Variants in ZNF532 observed in about 807,000 individuals in gnomAD.
The protein encoded by ZNF532 is zinc finger protein 532.
In ZNF532, 22 loss-of-function variants were observed where a neutral mutation model predicts 89.3. The ratio of observed to expected loss-of-function variants is 0.25; its 90% CI spans 0.18 to 0.35. ZNF532 has a LOEUF of 0.35. Among genes scored for constraint, ZNF532 ranks in the 10% least tolerant of loss-of-function variants. ZNF532 has a pLI of 1.00. For missense variants in ZNF532, 1,132 were observed against 1,643.4 expected, an observed-to-expected ratio of 0.69 and a Z score of 5.38; for synonymous variants, 606 against 649.6, an observed-to-expected ratio of 0.93 and a Z score of 1.02.
chr18:58,972,146 T>G (rs1256211798), intron 7 of ZNF532, among the ~76,000 whole-genome samples: 1 of 152,198 alleles, frequency 6.6e-6, no homozygotes, highest in Non-Finnish European at 1.5e-5. Context: ...GAGGCTATGG[T>G]GAGCTGAGAT....
intron 4 of ZNF532, among the ~76,000 whole-genome samples, chr18:58,937,899 A>G (rs1282226015): frequency 6.6e-6 from 1 of 152,256 alleles, no homozygotes; most frequent in African/African-American, 2.4e-5. Context: ...TACCAGTTCA[A>G]GTAGATAGGC....
intron 2 of ZNF532, among the ~76,000 whole-genome samples, chr18:58,881,043 T>A (rs2057879436): frequency 6.6e-6 from 1 of 152,168 alleles, no homozygotes; most frequent in Non-Finnish European, 1.5e-5. Flanking sequence ...AGTGGTCTAA[T>A]TTCAGGTCAC....
At chr18:58,934,316 A>T in intron 3 of ZNF532, 117 bp from the exon 4 acceptor site, 1 of 949,816 alleles carries the variant, frequency 1.1e-6, no homozygotes, top group Non-Finnish European at 1.6e-6. Context: ...CTTAGAATCA[A>T]TTACTGTAGT....
intron 5 of ZNF532, among the ~76,000 whole-genome samples, chr18:58,942,796 C>T (rs562255713): frequency 6.6e-6 from 1 of 152,230 alleles, no homozygotes; most frequent in African/African-American, 2.4e-5. Flanking sequence ...AGTCCCAGCT[C>T]AGGCAGTGAA....
intron 7 of ZNF532, among the ~76,000 whole-genome samples, chr18:58,969,219 G>C (rs1388320593): frequency 6.6e-6 from 1 of 152,176 alleles, no homozygotes; most frequent in African/African-American, 2.4e-5. Flanking sequence ...TTGTGAGTGA[G>C]AACACAGTCT....
At chr18:58,979,402 T>TTC in intron 8 of ZNF532, 16 of 251,908 alleles carry the variant, frequency 6.4e-5, no homozygotes, top group East Asian at 2.2e-4. Flanking sequence ...GTTTTTTTTT[T>TTC]CCCGAGACGG....
In ZNF532 at chr18:58,918,280, T is replaced by C. The variant is rs750441112; in HGVS notation, c.-8T>C. 3.7e-6 allele frequency: 6 copies of C among 1,608,238 alleles called. No homozygotes were observed. In the South Asian group the frequency reaches 6.6e-5, roughly 18 times the overall value. On this transcript the variant is annotated 5_prime_UTR_variant, in exon 3 of 10. Transcript: ENST00000591808. ...TCTGCTCATTTAACAGAACATCTGC[T>C]CAAATTAATGACCATGGGGGATATG...
At chr18:58,863,692 C>G (rs2056172156), upstream of ZNF532, 1 of 152,538 alleles carries the variant, frequency 6.6e-6, no homozygotes, top group Non-Finnish European at 1.5e-5. Flanking sequence ...CAAAGGTCAT[C>G]CGAGCTGCGG....
At chr18:58,980,720 C>T (rs955357210) in intron 8 of ZNF532, 3 of 152,202 alleles carry the variant, frequency 2.0e-5, no homozygotes, top group African/African-American at 4.8e-5. Flanking sequence ...TCGGCTCACC[C>T]TACCCTCCAC....
At chr18:58,905,302 C>T (rs762393941) in intron 2 of ZNF532, among the ~76,000 whole-genome samples, 15 of 152,076 alleles carry the variant, frequency 9.9e-5, no homozygotes, top group African/African-American at 2.4e-4. Context: ...GGTTGCTTTT[C>T]GCCAATATTC....
intron 2 of ZNF532, among the ~76,000 whole-genome samples, chr18:58,884,453 G>T (rs2058142400): frequency 6.6e-6 from 1 of 151,452 alleles, no homozygotes; most frequent in Non-Finnish European, 1.5e-5. Context: ...GCATTTCAGG[G>T]ACAAAAGCTT....
chr18:58,888,848 T>TAAA, intron 2 of ZNF532, among the ~76,000 whole-genome samples: 1 of 57,972 alleles, frequency 1.7e-5, no homozygotes, highest in Non-Finnish European at 2.7e-5. Flanking sequence ...AATTTATATA[T>TAAA]ATATAATTTA....
At chr18:58,873,774 G>T (rs1252430894) in intron 2 of ZNF532, among the ~76,000 whole-genome samples, 1 of 152,146 alleles carries the variant, frequency 6.6e-6, no homozygotes, top group Non-Finnish European at 1.5e-5. Flanking sequence ...GAGGTAATTT[G>T]AAAACTGATT....
At chr18:58,959,834 CTA>C (rs1388888332) in intron 7 of ZNF532, among the ~76,000 whole-genome samples, 1 of 152,128 alleles carries the variant, frequency 6.6e-6, no homozygotes, top group East Asian at 1.9e-4. Flanking sequence ...TCTCTGAACA[CTA>C]TAGATTTTTT....
chr18:58,907,652 G>T (rs1348713479), intron 2 of ZNF532, among the ~76,000 whole-genome samples: 1 of 152,132 alleles, frequency 6.6e-6, no homozygotes, highest in African/African-American at 2.4e-5. Flanking sequence ...GATCAGGAGG[G>T]TTCAGGAGAG....
At chr18:58,868,999 A>AC (rs2056734230) in intron 2 of ZNF532, among the ~76,000 whole-genome samples, 7 of 152,212 alleles carry the variant, frequency 4.6e-5, no homozygotes, top group African/African-American at 1.7e-4. Flanking sequence ...TGCATACTGT[A>AC]GGCAGTTTTA....
intron 2 of ZNF532, among the ~76,000 whole-genome samples, chr18:58,891,260 T>G (rs2058879945): frequency 6.6e-6 from 1 of 152,022 alleles, no homozygotes; most frequent in Non-Finnish European, 1.5e-5. Flanking sequence ...CCTGGCCTGG[T>G]GGCTCACGCC....
rs1023826617 is a variant in ZNF532, at chr18:58,895,380, C to G, written c.-17-22891C>G. On this transcript the variant is annotated intron_variant, in intron 2 of 9. Coordinates refer to ENST00000591808, the MANE Select transcript of ZNF532 (RefSeq NM_001375912.1). Reference sequence around the variant, plus strand: ...ATAGATTTGATAAGTATTTTATGCTCTAGCCCTTCTTGGCGATTCAAAATG... The same window carrying G: ...ATAGATTTGATAAGTATTTTATGCTGTAGCCCTTCTTGGCGATTCAAAATG... Among the ~76,000 whole-genome samples the G allele has an allele frequency of 7.9e-5, 12 of 152,220 alleles. No homozygotes were observed. In the East Asian group the frequency reaches 2.1e-3, roughly 27 times the overall value.
At chr18:58,866,821 T>C (rs1186805272) in intron 2 of ZNF532, among the ~76,000 whole-genome samples, 1 of 152,164 alleles carries the variant, frequency 6.6e-6, no homozygotes, top group African/African-American at 2.4e-5. Flanking sequence ...GAAACAAGAG[T>C]GCATGGTTAG....
Sources: gnomAD v4.1 joint callset for allele counts (sites outside exome capture counted in the v4.1 genomes callset) on GRCh38, gnomAD v4.1.1 for gene constraint, MANE v1.5 for transcripts, NCBI Gene and HGNC (gene_info 2026-07-23, HGNC 2026-07-21) for gene names.